GALNTL6: variants seen among roughly 807,000 people sequenced by gnomAD.
GALNTL6 encodes the protein polypeptide N-acetylgalactosaminyltransferase like 6.
A neutral mutation model predicts 73.7 loss-of-function variants in GALNTL6; 46 were observed. The ratio of observed to expected loss-of-function variants is 0.62; its 90% CI spans 0.49 to 0.80. GALNTL6 has a LOEUF of 0.80. Ranked by LOEUF, GALNTL6 falls within the 30% of genes least tolerant of loss-of-function variation. The pLI, the probability that GALNTL6 is intolerant of heterozygous loss-of-function variation, is 0.00. For synonymous variants in GALNTL6, 259 were observed against 263.7 expected, an observed-to-expected ratio of 0.98 and a Z score of 0.17; for missense variants, 604 against 755.0, an observed-to-expected ratio of 0.80 and a Z score of 2.34.
intron 7 of GALNTL6, among the ~76,000 whole-genome samples, chr4:172,860,416 T>C (rs1351136803): frequency 6.6e-6 from 1 of 152,182 alleles, no homozygotes; most frequent in East Asian, 1.9e-4. Context: ...AGACCAAAAC[T>C]GGCAAGTTTA....
chr4:172,737,070 A>G (rs1736512168), intron 5 of GALNTL6, among the ~76,000 whole-genome samples: 1 of 152,190 alleles, frequency 6.6e-6, no homozygotes, highest in Admixed American at 6.5e-5. Context: ...TATCAGTATA[A>G]AAAAGGACTA....
intron 7 of GALNTL6, among the ~76,000 whole-genome samples, chr4:172,818,496 T>C (rs906753705): frequency 3.9e-5 from 6 of 152,200 alleles, no homozygotes; most frequent in Admixed American, 2.0e-4. Flanking sequence ...CTAGACTTAT[T>C]AGTGAGAACT....
At chr4:172,754,102 G>A (rs957543562) in intron 5 of GALNTL6, among the ~76,000 whole-genome samples, 11 of 152,124 alleles carry the variant, frequency 7.2e-5, no homozygotes, top group East Asian at 5.8e-4. Flanking sequence ...TTCAGGCAAC[G>A]GTTGGTGGAA....
intron 2 of GALNTL6, among the ~76,000 whole-genome samples, chr4:172,170,166 G>A: frequency 6.6e-6 from 1 of 152,108 alleles, no homozygotes; most frequent in Non-Finnish European, 1.5e-5. Flanking sequence ...GCACTGATAT[G>A]GTTTGGCTGT....
chr4:173,018,504 A>G (rs1261305265), intron 11 of GALNTL6, among the ~76,000 whole-genome samples: 1 of 152,230 alleles, frequency 6.6e-6, no homozygotes, highest in African/African-American at 2.4e-5. Flanking sequence ...AAGCCCTGCA[A>G]CTAAGGATCT....
intron 4 of GALNTL6, among the ~76,000 whole-genome samples, chr4:172,332,444 T>A (rs13110827): frequency 0.16 from 23,728 of 151,944 alleles, 2,034 homozygotes; most frequent in Middle Eastern, 0.19. Flanking sequence ...CTTTTCATCA[T>A]CCCTCCTAAC....
chr4:171,862,717 A>G (rs1455158687), intron 2 of GALNTL6, among the ~76,000 whole-genome samples: 1 of 152,128 alleles, frequency 6.6e-6, no homozygotes, highest in Non-Finnish European at 1.5e-5. Context: ...TGACTTTAGT[A>G]AGACTGAATA....
chr4:172,490,498 A>G (rs549249893), intron 5 of GALNTL6, among the ~76,000 whole-genome samples: 156 of 152,310 alleles, frequency 1.0e-3, no homozygotes, highest in African/African-American at 3.7e-3. Context: ...CATATTACAT[A>G]TTAGTTTCTA....
chr4:172,724,731 C>A (rs909587978), intron 5 of GALNTL6, among the ~76,000 whole-genome samples: 1 of 151,870 alleles, frequency 6.6e-6, no homozygotes, highest in African/African-American at 2.4e-5. Flanking sequence ...TCAGTTTTTA[C>A]GTCAAAATAT....
intron 10 of GALNTL6, among the ~76,000 whole-genome samples, chr4:172,991,590 T>G (rs1291948760): frequency 6.6e-6 from 1 of 151,852 alleles, no homozygotes; most frequent in Non-Finnish European, 1.5e-5. Context: ...TTTTTTTTAG[T>G]AGAGACGGGA....
At chr4:172,700,541 C>G (rs1733967352) in intron 5 of GALNTL6, among the ~76,000 whole-genome samples, 1 of 152,060 alleles carries the variant, frequency 6.6e-6, no homozygotes, top group African/African-American at 2.4e-5. Flanking sequence ...GACTGAGACT[C>G]CCAGAGCTAG....
intron 2 of GALNTL6, among the ~76,000 whole-genome samples, chr4:172,218,171 T>TAAGGG (rs1736554912): frequency 6.6e-6 from 1 of 152,122 alleles, no homozygotes; most frequent in South Asian, 2.1e-4. Flanking sequence ...TTTCCTCTCT[T>TAAGGG]TGCCCATCCC....
intron 8 of GALNTL6, among the ~76,000 whole-genome samples, chr4:172,926,289 C>G (rs1037212591): frequency 6.6e-6 from 1 of 152,166 alleles, no homozygotes; most frequent in Admixed American, 6.5e-5. Context: ...GACCCTACCT[C>G]TGAATACCAC....
chr4:172,171,093 A>C (rs1376039996), intron 2 of GALNTL6, among the ~76,000 whole-genome samples: 1 of 152,248 alleles, frequency 6.6e-6, no homozygotes, highest in African/African-American at 2.4e-5. Context: ...AATTAATTAA[A>C]GGAAACGACA....
intron 2 of GALNTL6, among the ~76,000 whole-genome samples, chr4:172,025,406 T>C (rs1741536143): frequency 1.3e-5 from 2 of 152,008 alleles, no homozygotes. Context: ...CTAGTAGCAG[T>C]ACAACATTGT....
At chr4:172,033,698 G>A (rs1362656089) in intron 2 of GALNTL6, among the ~76,000 whole-genome samples, 1 of 152,026 alleles carries the variant, frequency 6.6e-6, no homozygotes, top group Non-Finnish European at 1.5e-5. Flanking sequence ...GAATAAATTT[G>A]GATTGAACAC....
intron 7 of GALNTL6, among the ~76,000 whole-genome samples, chr4:172,823,019 TA>T (rs1239033470): frequency 4.6e-5 from 7 of 152,162 alleles, no homozygotes; most frequent in African/African-American, 1.2e-4. Flanking sequence ...CATTCTTCTT[TA>T]ACTGAAATCT....
At position 173,039,980 on chromosome 4, in the gene GALNTL6, C is replaced by A. The variant is rs1302479964; in HGVS notation, c.1686C>A (p.Asn562Lys). 5 of 1,613,936 alleles carry A rather than the reference C, an allele frequency of 3.1e-6. No individual in the cohort carries two copies. Among genetic ancestry groups the A allele is most frequent in the Non-Finnish European group, 4.2e-6 (5 of 1,179,808 alleles). ...HPVSNSCMDC[N>K]PAEKKIFMAR... The stretch of plus-strand genomic sequence containing the variant: ...TGAGCAACAGCTGCATGGATTGCAA[C>A]CCCGCAGAGAAGAAGATTTTCATGG... Residue 562 changes from asparagine to lysine, a missense_variant, in exon 13 of 13, where the codon AAC becomes AAA. By Grantham distance (94) the Asn-to-Lys change is moderately conservative. This residue lies in a region of GALNTL6 where 261 missense variants were observed against 296.5 expected (regional missense o/e 0.88). Coordinates refer to ENST00000506823, the MANE Select transcript of GALNTL6 (RefSeq NM_001034845.3).
At chr4:172,061,360 C>T (rs766196313) in intron 2 of GALNTL6, among the ~76,000 whole-genome samples, 6 of 152,152 alleles carry the variant, frequency 3.9e-5, no homozygotes, top group Non-Finnish European at 8.8e-5. Context: ...GCTTCACTGT[C>T]TAGTCCTCCA....
Sources: gnomAD v4.1 joint callset for allele counts (sites outside exome capture counted in the v4.1 genomes callset) on GRCh38, gnomAD v4.1.1 for gene constraint, gnomAD v4.1.1 regional missense constraint, MANE v1.5 for transcripts, NCBI Gene and HGNC (gene_info 2026-07-23, HGNC 2026-07-21) for gene names.